Variants in FHL2 observed in about 807,000 individuals in gnomAD.
FHL2 encodes four and a half LIM domains 2, also known as four and a half LIM domains protein 2.
FHL2 carries 20 observed loss-of-function variants against 32.7 expected under a neutral mutation model. The observed-to-expected ratio is 0.61, with a 90% confidence interval of 0.43 to 0.89. The LOEUF is 0.89. Ranked by LOEUF, FHL2 falls within the 40% of genes least tolerant of loss-of-function variation. The pLI is 0.00. For missense variants in FHL2, 311 were observed against 358.6 expected, an observed-to-expected ratio of 0.87 and a Z score of 1.07; for synonymous variants, 123 against 128.1, an observed-to-expected ratio of 0.96 and a Z score of 0.27.
downstream of FHL2, chr2:105,357,999 C>T (rs1174691947): frequency 6.6e-6 from 1 of 152,106 alleles, no homozygotes; most frequent in Non-Finnish European, 1.5e-5. Flanking sequence ...TGGATACAGC[C>T]CTGTCCATAC....
chr2:105,386,017 C>T (rs572675550), intron 3 of FHL2: 32 of 405,398 alleles, frequency 7.9e-5, no homozygotes, highest in African/African-American at 1.6e-4. Context: ...TTACTCACCA[C>T]GGGGCAAACA....
intron 1 of FHL2, among the ~76,000 whole-genome samples, chr2:105,413,956 A>C (rs1683864088): frequency 1.3e-5 from 2 of 152,168 alleles, no homozygotes; most frequent in Non-Finnish European, 2.9e-5. Context: ...ATCCCACAGG[A>C]TGAGGGCTCA....
At chr2:105,432,584 A>G (rs1684471969) in intron 1 of FHL2, among the ~76,000 whole-genome samples, 1 of 151,982 alleles carries the variant, frequency 6.6e-6, no homozygotes, top group Non-Finnish European at 1.5e-5. Flanking sequence ...GCTTTTCAAA[A>G]AGGAAGTTTA....
chr2:105,433,865 G>A (rs1684512574), intron 1 of FHL2, among the ~76,000 whole-genome samples: 1 of 152,042 alleles, frequency 6.6e-6, no homozygotes, highest in Non-Finnish European at 1.5e-5. Context: ...TTACTTTGGG[G>A]AGTCAAGAGA....
chr2:105,435,553 C>T (rs930110762), intron 1 of FHL2, among the ~76,000 whole-genome samples: 4 of 152,134 alleles, frequency 2.6e-5, no homozygotes, highest in African/African-American at 9.7e-5. Context: ...CATGCTTACT[C>T]TTTAAAGACC....
chr2:105,376,011 A>C (rs1243172623), intron 3 of FHL2: 3 of 152,220 alleles, frequency 2.0e-5, no homozygotes, highest in African/African-American at 7.2e-5. Context: ...CCCACAATCC[A>C]CATGGACATC....
chr2:105,367,863 G>T, intron 4 of FHL2, 124 bp from the exon 5 acceptor site: 1 of 932,024 alleles, frequency 1.1e-6, no homozygotes, highest in Non-Finnish European at 1.6e-6. Flanking sequence ...TTCAGCTCTT[G>T]AAGGCTCGCC....
chr2:105,370,538 C>T (rs1281302128), intron 4 of FHL2, among the ~76,000 whole-genome samples: 1 of 152,066 alleles, frequency 6.6e-6, no homozygotes, highest in African/African-American at 2.4e-5. Flanking sequence ...TGATGGTATT[C>T]CAGTTTCCTG....
chr2:105,364,685 C>T (rs181208584), intron 5 of FHL2, among the ~76,000 whole-genome samples: 357 of 152,354 alleles, frequency 2.3e-3, no homozygotes, highest in South Asian at 4.1e-3. Context: ...AAGCACCTCA[C>T]AATCACACTT....
At chr2:105,369,683 T>C (rs1680883548) in intron 4 of FHL2, among the ~76,000 whole-genome samples, 1 of 152,260 alleles carries the variant, frequency 6.6e-6, no homozygotes, top group South Asian at 2.1e-4. Context: ...AAAGATTTTC[T>C]TCAACCTCCA....
At chr2:105,419,968 G>T (rs942452360) in intron 1 of FHL2, among the ~76,000 whole-genome samples, 15 of 152,164 alleles carry the variant, frequency 9.9e-5, no homozygotes, top group African/African-American at 3.6e-4. Flanking sequence ...TCAGTTGAGG[G>T]TGGGAGGGGA....
chr2:105,366,259 G>A (rs1031889765), intron 5 of FHL2, among the ~76,000 whole-genome samples: 32 of 152,114 alleles, frequency 2.1e-4, no homozygotes, highest in African/African-American at 7.7e-4. Context: ...ATGGAAATTG[G>A]TAAGAATACT....
intron 1 of FHL2, among the ~76,000 whole-genome samples, chr2:105,420,903 G>T (rs1684083628): frequency 6.6e-6 from 1 of 152,210 alleles, no homozygotes; most frequent in African/African-American, 2.4e-5. Flanking sequence ...CTGCTGTGTG[G>T]CTGGGTTCCT....
At chr2:105,411,821 CA>C (rs560249519) in intron 1 of FHL2, among the ~76,000 whole-genome samples, 127 of 141,130 alleles carry the variant, frequency 9.0e-4, no homozygotes, top group Middle Eastern at 3.5e-3. Flanking sequence ...GACTCCATCT[CA>C]AAAAAAAAAA....
chr2:105,366,129 G>A (rs1409570813), intron 5 of FHL2, among the ~76,000 whole-genome samples: 3 of 151,802 alleles, frequency 2.0e-5, no homozygotes, highest in East Asian at 3.9e-4. Flanking sequence ...GAAATTGCTC[G>A]AACCCAAGAG....
Position 105,373,577 on chromosome 2 carries a change from T to C in FHL2, c.313A>G (p.Lys105Glu). Residue 105 changes from lysine (K) to glutamate (E), a missense_variant, in exon 4 of 7, where the codon AAG becomes GAG. Transcript: ENST00000530340. ...NEYSSKCQEC[K>E]KTIMPGTRKM... is the part of the protein sequence containing the mutation. Reference sequence around the variant, plus strand: ...TCCTGACCTGGCATGATGGTCTTCTTGCATTCCTGGCACTTGGATGAGTAC... The same window carrying C: ...TCCTGACCTGGCATGATGGTCTTCTCGCATTCCTGGCACTTGGATGAGTAC... 1 of 1,614,222 alleles carries C rather than the reference T, an allele frequency of 6.2e-7. No homozygotes were observed.
At position 105,396,663 on chromosome 2, in the gene FHL2, CA is replaced by C; in HGVS notation, c.-42del. 6.2e-7 allele frequency: 1 copy of C among 1,612,810 alleles called. No individual in the cohort carries two copies. Among genetic ancestry groups the C allele is most frequent in the South Asian group, 1.1e-5 (1 of 91,072 alleles). The stretch of plus-strand genomic sequence containing the variant: ...TTGACTCACCCCAAAGTCAAAATGC[CA>C]GCCTAGTCTCCAGGAAGACACAGTT... On this transcript the variant is annotated 5_prime_UTR_variant, in exon 2 of 7. Coordinates refer to ENST00000530340, the MANE Select transcript of FHL2 (RefSeq NM_001318895.3).
At chr2:105,425,697 T>C (rs1398882666) in intron 1 of FHL2, among the ~76,000 whole-genome samples, 1 of 152,084 alleles carries the variant, frequency 6.6e-6, no homozygotes, top group Admixed American at 6.5e-5. Flanking sequence ...TCCACTGAGA[T>C]GTTTGGGTGG....
chr2:105,438,163 C>G (rs567084550), intron 1 of FHL2, among the ~76,000 whole-genome samples: 3 of 152,310 alleles, frequency 2.0e-5, no homozygotes, highest in African/African-American at 7.2e-5. Context: ...AGCTGACACC[C>G]CCTGTAGCTC....
Sources: allele counts gnomAD v4.1 joint callset (sites outside exome capture counted in the v4.1 genomes callset), GRCh38; gene constraint gnomAD v4.1.1; transcripts MANE v1.5; gene names NCBI Gene and HGNC (gene_info 2026-07-23, HGNC 2026-07-21).